The following CADM2 variants were observed in gnomAD, a reference collection of about 807,000 sequenced individuals.
The protein encoded by CADM2 is immunoglobulin superfamily member 4D.
Under a neutral mutation model 49.8 loss-of-function variants are expected in CADM2, and 12 were observed. That is an observed-to-expected ratio of 0.24 (90% confidence interval 0.15 to 0.39). The LOEUF (loss-of-function observed/expected upper bound fraction) is 0.39, where lower values mean the gene tolerates loss of function less well. Ranked by LOEUF, CADM2 falls within the 10% of genes least tolerant of loss-of-function variation. CADM2 has a pLI of 1.00. For synonymous variants in CADM2, 214 were observed against 175.4 expected, an observed-to-expected ratio of 1.22 and a Z score of -1.74; for missense variants, 378 against 492.3, an observed-to-expected ratio of 0.77 and a Z score of 2.20.
At chr3:86,066,332 CAAAAAAAAAA>C (rs10663610) in intron 9 of CADM2, among the ~76,000 whole-genome samples, 9 of 30,360 alleles carry the variant, frequency 3.0e-4, no homozygotes, top group Non-Finnish European at 4.0e-4. Flanking sequence ...GACTCCGTCT[CAAAAAAAAAA>C]AAAAAAAAAA....
chr3:85,674,599 A>T (rs1275372543), intron 1 of CADM2, among the ~76,000 whole-genome samples: 1 of 152,160 alleles, frequency 6.6e-6, no homozygotes, highest in Non-Finnish European at 1.5e-5. Context: ...TTAAAATGAG[A>T]TTATTTAAAC....
chr3:85,942,632 G>A lies in CADM2; in HGVS notation c.791+6775G>A, dbSNP rs376067667. On this transcript the variant is annotated intron_variant, in intron 7 of 9. Transcript: ENST00000383699. The stretch of plus-strand genomic sequence containing the variant: ...AGTTTACTGAGAATGATGATTTCCA[G>A]TTTCATCCATGTCCCTACAAAGGAC... 1.5e-3 allele frequency among the ~76,000 whole-genome samples: 227 copies of A among 151,504 alleles called. 3 individuals carry two copies. The East Asian group carries it at 0.04, about 27-fold the overall frequency.
At chr3:85,381,534 G>T (rs1324194519) in intron 1 of CADM2, among the ~76,000 whole-genome samples, 4 of 147,488 alleles carry the variant, frequency 2.7e-5, no homozygotes, top group African/African-American at 4.9e-5. Flanking sequence ...TAAAGATTTT[G>T]TTGGCAATTT....
intron 1 of CADM2, among the ~76,000 whole-genome samples, chr3:84,987,198 G>A (rs1036476032): frequency 6.6e-6 from 1 of 152,028 alleles, no homozygotes; most frequent in Non-Finnish European, 1.5e-5. Context: ...AGGCTGGAGT[G>A]CAGTGGCGCG....
At chr3:85,290,104 C>A (rs1304754684) in intron 1 of CADM2, among the ~76,000 whole-genome samples, 1 of 152,104 alleles carries the variant, frequency 6.6e-6, no homozygotes, top group African/African-American at 2.4e-5. Flanking sequence ...CGATCCGAAG[C>A]AGGGTGAGGC....
At chr3:85,099,468 A>AT (rs1278229439) in intron 1 of CADM2, among the ~76,000 whole-genome samples, 10 of 91,980 alleles carry the variant, frequency 1.1e-4, no homozygotes, top group Admixed American at 4.0e-4. Context: ...ACATGAATTA[A>AT]ATTTTTTTTT....
intron 3 of CADM2, among the ~76,000 whole-genome samples, chr3:85,815,131 A>G (rs549519665): frequency 5.9e-5 from 9 of 152,208 alleles, no homozygotes; most frequent in African/African-American, 1.7e-4. Flanking sequence ...AAAGTCCAGA[A>G]CCAGACGGAT....
intron 1 of CADM2, among the ~76,000 whole-genome samples, chr3:85,610,988 G>A (rs993484929): frequency 6.6e-6 from 1 of 151,812 alleles, no homozygotes; most frequent in African/African-American, 2.4e-5. Context: ...TTAATTGACT[G>A]AAACCATAAC....
chr3:85,177,174 T>A (rs2040807126), intron 1 of CADM2, among the ~76,000 whole-genome samples: 1 of 152,168 alleles, frequency 6.6e-6, no homozygotes, highest in Non-Finnish European at 1.5e-5. Flanking sequence ...ATTTTACTTT[T>A]TGCAATCATT....
intron 8 of CADM2, among the ~76,000 whole-genome samples, chr3:86,042,305 A>G (rs1294102156): frequency 6.6e-6 from 1 of 152,136 alleles, no homozygotes; most frequent in Non-Finnish European, 1.5e-5. Flanking sequence ...TTTTTTGAAA[A>G]GATCAACAAA....
At chr3:86,058,820 G>A (rs374786371) in intron 8 of CADM2, among the ~76,000 whole-genome samples, 4 of 151,632 alleles carry the variant, frequency 2.6e-5, no homozygotes, top group African/African-American at 9.7e-5. Flanking sequence ...ATGGTCAGAC[G>A]CAGTGGCTCA....
At chr3:86,029,849 T>A (rs1734349167) in intron 8 of CADM2, among the ~76,000 whole-genome samples, 1 of 152,014 alleles carries the variant, frequency 6.6e-6, no homozygotes, top group African/African-American at 2.4e-5. Context: ...AAAATTGTTA[T>A]ATGAGTCATC....
chr3:85,245,522 AG>A (rs2042627665), intron 1 of CADM2, among the ~76,000 whole-genome samples: 1 of 150,898 alleles, frequency 6.6e-6, no homozygotes, highest in Admixed American at 6.6e-5. Context: ...AAAAAAAAAA[AG>A]ATAATAATAA....
chr3:85,569,767 T>C (rs1000623932), intron 1 of CADM2, among the ~76,000 whole-genome samples: 25 of 150,960 alleles, frequency 1.7e-4, no homozygotes, highest in Non-Finnish European at 7.4e-5. Context: ...ATGATGTAAC[T>C]TAGAAGTAGA....
At chr3:85,228,080 G>A (rs1161500821) in intron 1 of CADM2, among the ~76,000 whole-genome samples, 1 of 152,000 alleles carries the variant, frequency 6.6e-6, no homozygotes, top group Non-Finnish European at 1.5e-5. Context: ...TTCAACCTTG[G>A]TGAATCTGAT....
chr3:85,002,197 G>A (rs1317983271), intron 1 of CADM2, among the ~76,000 whole-genome samples: 2 of 151,802 alleles, frequency 1.3e-5, no homozygotes, highest in Non-Finnish European at 2.9e-5. Flanking sequence ...ATTGTTTCTG[G>A]CCATGTTCTT....
chr3:85,630,015 CT>C (rs1018246154), intron 1 of CADM2, among the ~76,000 whole-genome samples: 1 of 151,862 alleles, frequency 6.6e-6, no homozygotes, highest in Non-Finnish European at 1.5e-5. Context: ...ATAGAGTTGA[CT>C]TCATTATCTG....
chr3:85,348,711 T>G (rs1160226386), intron 1 of CADM2, among the ~76,000 whole-genome samples: 1 of 152,166 alleles, frequency 6.6e-6, no homozygotes, highest in Non-Finnish European at 1.5e-5. Context: ...AACTCACTTA[T>G]AATTAGGCAA....
chr3:85,732,248 G>A (rs1210810556), intron 2 of CADM2, among the ~76,000 whole-genome samples: 1 of 151,574 alleles, frequency 6.6e-6, no homozygotes, highest in East Asian at 1.9e-4. Flanking sequence ...GCGACAGAGG[G>A]AGACTCTGTC....
Sources: allele counts gnomAD v4.1 joint callset (sites outside exome capture counted in the v4.1 genomes callset), GRCh38; gene constraint gnomAD v4.1.1; transcripts MANE v1.5; gene names NCBI Gene and HGNC (gene_info 2026-07-23, HGNC 2026-07-21).